Variants in PPP1R12A observed in about 807,000 individuals in gnomAD.
PPP1R12A encodes protein phosphatase 1 regulatory subunit 12A.
In PPP1R12A, 19 loss-of-function variants were observed where a neutral mutation model predicts 139.6. That is an observed-to-expected ratio of 0.14 (90% CI 0.09 to 0.20). PPP1R12A has a LOEUF of 0.20. PPP1R12A is among the 10% of genes least tolerant of loss of function. PPP1R12A has a pLI of 1.00. For missense variants in PPP1R12A, 925 were observed against 1,211.5 expected, an observed-to-expected ratio of 0.76 and a Z score of 3.51; for synonymous variants, 427 against 420.6, an observed-to-expected ratio of 1.02 and a Z score of -0.19.
intron 2 of PPP1R12A, among the ~76,000 whole-genome samples, chr12:79,863,596 A>G (rs1169163427): frequency 6.8e-6 from 1 of 148,100 alleles, no homozygotes; most frequent in East Asian, 2.1e-4. Flanking sequence ...AGACACATAT[A>G]GGCTCAAAAT....
At chr12:79,807,443 A>G in intron 11 of PPP1R12A, 113 bp from the exon 12 acceptor site, 1 of 651,196 alleles carries the variant, frequency 1.5e-6, no homozygotes, top group East Asian at 3.0e-5. Context: ...CTTTGGGAGG[A>G]CACTTAGGAA....
chr12:79,809,877 C>A lies in PPP1R12A; in HGVS notation c.1373G>T (p.Gly458Val), dbSNP rs777079926. 7 of 1,613,426 alleles carry A rather than the reference C, an allele frequency of 4.3e-6. No homozygotes were observed. In the Admixed American group the frequency reaches 1.2e-4, roughly 27 times the overall value. ...ACCTGCAGTATCTTTTTCTTTCTGA[C>A]CCTCTTTAGATGCTGTGATTTCAGC... ...ALAEITASKE[G>V]QKEKDTAGVT... Residue 458 changes from glycine to valine, a missense_variant, in exon 10 of 25, where the codon GGT becomes GTT. Gly to Val is a moderately radical substitution (Grantham distance 109, BLOSUM62 -3). Around this residue, in one of 4 missense-constraint regions of PPP1R12A, gnomAD observed 403 missense variants for 463.7 expected, o/e 0.87. Coordinates refer to ENST00000450142, the MANE Select transcript of PPP1R12A (RefSeq NM_002480.3).
At chr12:79,886,098 C>A (rs542103944) in intron 1 of PPP1R12A, among the ~76,000 whole-genome samples, 1 of 151,942 alleles carries the variant, frequency 6.6e-6, no homozygotes, top group African/African-American at 2.4e-5. Context: ...GCATTCAGGG[C>A]GACATAAATG....
intron 2 of PPP1R12A, among the ~76,000 whole-genome samples, chr12:79,855,035 C>T (rs1001128599): frequency 2.0e-5 from 3 of 152,098 alleles, no homozygotes; most frequent in Non-Finnish European, 4.4e-5. Context: ...GTCGCCCAGG[C>T]TGGAGTGCAA....
intron 2 of PPP1R12A, among the ~76,000 whole-genome samples, chr12:79,860,908 T>TA (rs1281666050): frequency 2.0e-5 from 3 of 152,212 alleles, no homozygotes; most frequent in African/African-American, 7.2e-5. Flanking sequence ...AACGTATGTG[T>TA]AATACATGAT....
At chr12:79,916,592 T>C (rs2136930214) in intron 1 of PPP1R12A, among the ~76,000 whole-genome samples, 1 of 152,326 alleles carries the variant, frequency 6.6e-6, no homozygotes, top group Non-Finnish European at 1.5e-5. Context: ...AGCTTTTCTC[T>C]GAACTTTCTG....
chr12:79,893,723 T>G (rs913422217), intron 1 of PPP1R12A, among the ~76,000 whole-genome samples: 2 of 152,210 alleles, frequency 1.3e-5, no homozygotes, highest in Non-Finnish European at 2.9e-5. Context: ...AATAACACTT[T>G]CCTTTTTCCT....
intron 1 of PPP1R12A, among the ~76,000 whole-genome samples, chr12:79,885,360 T>C (rs564105449): frequency 2.6e-5 from 4 of 152,206 alleles, no homozygotes; most frequent in African/African-American, 9.7e-5. Flanking sequence ...ATTGTTTATA[T>C]AGTCCATGCT....
intron 9 of PPP1R12A, among the ~76,000 whole-genome samples, chr12:79,811,153 A>T (rs1280965587): frequency 6.6e-6 from 1 of 152,200 alleles, no homozygotes. Flanking sequence ...ATAATTTTTT[A>T]AAAATCATTT....
chr12:79,788,843 T>G (rs550584592), intron 20 of PPP1R12A, 60 bp from the exon 21 acceptor site: 3 of 1,374,078 alleles, frequency 2.2e-6, no homozygotes, highest in East Asian at 2.5e-5. Context: ...TATAACAACA[T>G]ACATCCTAGT....
At chr12:79,792,315 G>C (rs1043974673) in intron 19 of PPP1R12A, among the ~76,000 whole-genome samples, 4 of 152,262 alleles carry the variant, frequency 2.6e-5, no homozygotes, top group Middle Eastern at 6.8e-3. Flanking sequence ...ACAGTTCAGT[G>C]ATAGGCCCTG....
chr12:79,838,152 C>G (rs1025406957), intron 3 of PPP1R12A, among the ~76,000 whole-genome samples: 1 of 152,250 alleles, frequency 6.6e-6, no homozygotes, highest in South Asian at 2.1e-4. Flanking sequence ...GAGTTGGTCT[C>G]AGATGGAGAT....
At chr12:79,934,501 G>A (rs888725910) in intron 1 of PPP1R12A, among the ~76,000 whole-genome samples, 194 bp downstream of exon 1, 2 of 152,178 alleles carry the variant, frequency 1.3e-5, no homozygotes, top group Non-Finnish European at 2.9e-5. Context: ...CTGTTCTGAA[G>A]GGGGGCCTCA....
rs1182710351 is a variant in PPP1R12A, at chr12:79,797,297, C to T, written c.2190G>A (p.Glu730=). 2 of 1,590,598 alleles carry T rather than the reference C, an allele frequency of 1.3e-6. No homozygotes were observed. The highest frequency in any genetic ancestry group is 1.7e-6 in the Non-Finnish European group (2 of 1,167,066). The change falls in exon 16 of 25, where the codon GAG becomes GAA. Residue 730 remains glutamate, a synonymous_variant. Transcript: ENST00000450142. Reference sequence around the variant, plus strand: ...TCTCTTTATCTTGTTTCTCTTTTTCCTCTTTTTCTTTTTCTTCATTTTCTT... The same window carrying T: ...TCTCTTTATCTTGTTTCTCTTTTTCTTCTTTTTCTTTTTCTTCATTTTCTT... ...REQENEEKEK[E]EKEKQDKEKQ...
At chr12:79,853,506 G>C (rs923352142) in intron 2 of PPP1R12A, among the ~76,000 whole-genome samples, 12 of 152,150 alleles carry the variant, frequency 7.9e-5, no homozygotes, top group African/African-American at 2.7e-4. Flanking sequence ...CAGTAACAAA[G>C]ACCAAGCTAA....
At chr12:79,816,104 A>G (rs564798132) in intron 9 of PPP1R12A, among the ~76,000 whole-genome samples, 1 of 152,312 alleles carries the variant, frequency 6.6e-6, no homozygotes, top group South Asian at 2.1e-4. Flanking sequence ...TTAAAAACCA[A>G]TCAGTCCTTA....
chr12:79,865,964 A>C (rs1261660043), intron 2 of PPP1R12A, among the ~76,000 whole-genome samples: 3 of 152,204 alleles, frequency 2.0e-5, no homozygotes, highest in Non-Finnish European at 2.9e-5. Context: ...ATTGGAAAAA[A>C]CTACTTTAAA....
chr12:79,928,323 AG>A (rs1254075846), intron 1 of PPP1R12A, among the ~76,000 whole-genome samples: 1 of 152,246 alleles, frequency 6.6e-6, no homozygotes, highest in Non-Finnish European at 1.5e-5. Flanking sequence ...CAGCAACTAC[AG>A]AAAAAGCATT....
chr12:79,825,526 A>C (rs1279769003), intron 5 of PPP1R12A: 1 of 151,920 alleles, frequency 6.6e-6, no homozygotes, highest in Non-Finnish European at 1.5e-5. Flanking sequence ...TAAAGAAATG[A>C]AACTGAAATC....
Sources: allele counts gnomAD v4.1 joint callset (sites outside exome capture counted in the v4.1 genomes callset), GRCh38; gene constraint gnomAD v4.1.1; regional missense constraint gnomAD v4.1.1; transcripts MANE v1.5; gene names NCBI Gene and HGNC (gene_info 2026-07-23, HGNC 2026-07-21).